The following PRKCB variants were observed in gnomAD, a reference collection of about 807,000 sequenced individuals.
PRKCB encodes the protein protein kinase C beta.
PRKCB carries 13 observed loss-of-function variants against 81.5 expected under a neutral mutation model. The ratio of observed to expected loss-of-function variants is 0.16; its 90% CI spans 0.10 to 0.25. PRKCB has a LOEUF of 0.25. Among genes scored for constraint, PRKCB ranks in the 10% least tolerant of loss-of-function variants. The pLI, the probability that PRKCB is intolerant of heterozygous loss-of-function variation, is 1.00. For missense variants in PRKCB, 509 were observed against 875.7 expected (o/e 0.58, Z 5.29); for synonymous variants, 335 against 321.4 (o/e 1.04, Z -0.45).
At chr16:23,863,219 CATATATATGTGT>C (rs772173187) in intron 2 of PRKCB, among the ~76,000 whole-genome samples, 10,277 of 77,696 alleles carry the variant, frequency 0.13, 535 homozygotes, top group Admixed American at 0.16. Context: ...TATATACATA[CATATATATGTGT>C]ATATATATAC....
intron 9 of PRKCB, among the ~76,000 whole-genome samples, chr16:24,127,729 T>C (rs1966847034): frequency 6.6e-6 from 1 of 152,166 alleles, no homozygotes; most frequent in African/African-American, 2.4e-5. Context: ...AATTGAGAAC[T>C]CTGTTCCAGA....
chr16:23,910,986 A>G (rs766132960), intron 2 of PRKCB, among the ~76,000 whole-genome samples: 3 of 152,110 alleles, frequency 2.0e-5, no homozygotes, highest in Non-Finnish European at 2.9e-5. Flanking sequence ...CAAGGCATGT[A>G]TCAGTACCTC....
intron 12 of PRKCB, among the ~76,000 whole-genome samples, chr16:24,175,399 G>T (rs1282064458): frequency 2.6e-5 from 4 of 150,982 alleles, no homozygotes; most frequent in African/African-American, 9.8e-5. Context: ...TCTTCTGGGT[G>T]GTGGGCATAC....
chr16:24,220,144 G>A lies in PRKCB; in HGVS notation c.*5328G>A, dbSNP rs1291779261. ...TGCAAACTCCATCGTTGAGCCTGGG[G>A]TGTAAGACTTCAAGCCAAGCGTATG... On this transcript the variant is annotated 3_prime_UTR_variant, in exon 17 of 17. Transcript: ENST00000643927. The A allele has an allele frequency of 2.5e-6, 4 of 1,612,634 alleles. No individual in the cohort carries two copies. The highest frequency in any genetic ancestry group is 3.3e-5 in the Admixed American group (2 of 59,976).
At chr16:24,020,868 G>A (rs1056085947) in intron 3 of PRKCB, among the ~76,000 whole-genome samples, 2 of 152,280 alleles carry the variant, frequency 1.3e-5, no homozygotes, top group East Asian at 1.9e-4. Flanking sequence ...CTCTCTGTGT[G>A]CCTCATTTCA....
intron 9 of PRKCB, among the ~76,000 whole-genome samples, chr16:24,141,755 C>T (rs1248943917): frequency 2.6e-5 from 4 of 152,110 alleles, no homozygotes; most frequent in African/African-American, 7.2e-5. Context: ...ATGTGGATTA[C>T]CCAGGGAGGA....
intron 2 of PRKCB, among the ~76,000 whole-genome samples, chr16:23,860,255 A>C (rs1962643014): frequency 6.6e-6 from 1 of 152,180 alleles, no homozygotes; most frequent in Admixed American, 6.5e-5. Flanking sequence ...AAAGTACTAT[A>C]AATGTTGTCA....
At chr16:24,167,183 G>A (rs182008316) in intron 10 of PRKCB, among the ~76,000 whole-genome samples, 127 of 150,408 alleles carry the variant, frequency 8.4e-4, no homozygotes, top group African/African-American at 3.0e-3. Flanking sequence ...GCTGGGTGTC[G>A]GCAGTTCTGG....
At chr16:23,891,191 C>T (rs1174423610) in intron 2 of PRKCB, among the ~76,000 whole-genome samples, 2 of 151,970 alleles carry the variant, frequency 1.3e-5, no homozygotes, top group African/African-American at 4.8e-5. Flanking sequence ...CATGTGCCAC[C>T]ATACCCAGCT....
At chr16:23,876,710 C>G (rs1963019245) in intron 2 of PRKCB, among the ~76,000 whole-genome samples, 1 of 125,176 alleles carries the variant, frequency 8.0e-6, no homozygotes, top group Non-Finnish European at 1.7e-5. Flanking sequence ...TGCAATTCAT[C>G]TGGGCCAGAA....
At chr16:24,065,042 T>C (rs1222479903) in intron 5 of PRKCB, among the ~76,000 whole-genome samples, 1 of 147,736 alleles carries the variant, frequency 6.8e-6, no homozygotes, top group Non-Finnish European at 1.5e-5. Flanking sequence ...GAAATATATC[T>C]ATATATAAAA....
intron 9 of PRKCB, among the ~76,000 whole-genome samples, chr16:24,139,015 C>G (rs198204): frequency 0.32 from 47,993 of 151,562 alleles, 7,826 homozygotes; most frequent in South Asian, 0.46. Flanking sequence ...CTATGCCCGG[C>G]TAAATTTTAT....
intron 2 of PRKCB, among the ~76,000 whole-genome samples, chr16:23,862,301 G>C (rs1962681894): frequency 1.3e-5 from 2 of 152,160 alleles, no homozygotes; most frequent in African/African-American, 4.8e-5. Context: ...ATGCATGCAT[G>C]GTTCAAGAGT....
chr16:24,054,123 C>T (rs1026378618), intron 5 of PRKCB, among the ~76,000 whole-genome samples: 7 of 152,096 alleles, frequency 4.6e-5, no homozygotes, highest in African/African-American at 1.7e-4. Flanking sequence ...CAGGCACACA[C>T]CACCATGCCC....
At chr16:24,059,023 G>T (rs1482316982) in intron 5 of PRKCB, among the ~76,000 whole-genome samples, 1 of 152,224 alleles carries the variant, frequency 6.6e-6, no homozygotes, top group African/African-American at 2.4e-5. Context: ...AGGAAGACAT[G>T]TGGATAGTGA....
chr16:23,893,894 T>G (rs1008128003), intron 2 of PRKCB: 1 of 152,274 alleles, frequency 6.6e-6, no homozygotes, highest in Non-Finnish European at 1.5e-5. Flanking sequence ...TATTTCTGAA[T>G]ACTCCTAAGG....
At chr16:23,940,265 G>A (rs889739410) in intron 2 of PRKCB, among the ~76,000 whole-genome samples, 6 of 152,162 alleles carry the variant, frequency 3.9e-5, no homozygotes, top group Non-Finnish European at 7.3e-5. Context: ...GGGAACTGCA[G>A]TAGCCACTCT....
chr16:24,134,636 C>T (rs1233769675), intron 9 of PRKCB, among the ~76,000 whole-genome samples: 1 of 152,114 alleles, frequency 6.6e-6, no homozygotes, highest in African/African-American at 2.4e-5. Context: ...GTAATCCCAG[C>T]TACTCAAGAG....
At position 23,958,753 on chromosome 16, in the gene PRKCB, C is replaced by T. The variant is rs917293997; in HGVS notation, c.206-29755C>T. Among the ~76,000 whole-genome samples the T allele has an allele frequency of 2.1e-5, 3 of 143,380 alleles. No homozygotes were observed. In the Admixed American group the frequency reaches 2.2e-4, roughly 11 times the overall value. 94.1% of individuals were successfully genotyped at this position (143,380 alleles called of 152,430 possible). On this transcript the variant is annotated intron_variant, in intron 2 of 16. Transcript: ENST00000643927. ...CTCCTCCTCCCCCACTCCCTTCCAC[C>T]CCCTCTTCTTATTCCTCCTCCTTCT...
Sources: gnomAD v4.1 joint callset for allele counts (sites outside exome capture counted in the v4.1 genomes callset) on GRCh38, gnomAD v4.1.1 for gene constraint, MANE v1.5 for transcripts, NCBI Gene and HGNC (gene_info 2026-07-23, HGNC 2026-07-21) for gene names.